Variants in BCAT1 observed in about 807,000 individuals in gnomAD.
BCAT1 encodes branched chain amino acid transaminase 1.
BCAT1 carries 48 observed loss-of-function variants against 52.4 expected under a neutral mutation model. The observed-to-expected ratio is 0.92, with a 90% CI of 0.73 to 1.16. The LOEUF (loss-of-function observed/expected upper bound fraction) is 1.16, where lower values mean the gene tolerates loss of function less well. Among genes scored for constraint, BCAT1 ranks in the 50% most tolerant of loss-of-function variants. The probability of loss-of-function intolerance (pLI) is 0.00; values close to 1 mark genes in which losing one functional copy is unlikely to be tolerated. For missense variants in BCAT1, 451 were observed against 457.1 expected, an observed-to-expected ratio of 0.99 and a Z score of 0.12; for synonymous variants, 167 against 161.3, an observed-to-expected ratio of 1.04 and a Z score of -0.27.
At chr12:24,818,562 C>T (rs964890959) in intron 10 of BCAT1, among the ~76,000 whole-genome samples, 1 of 152,172 alleles carries the variant, frequency 6.6e-6, no homozygotes, top group Non-Finnish European at 1.5e-5. Context: ...ACCTGTGATT[C>T]AGCAAGCATC....
intron 3 of BCAT1, among the ~76,000 whole-genome samples, chr12:24,887,083 ATAT>A (rs1565483158): frequency 1.9e-4 from 18 of 95,138 alleles, no homozygotes; most frequent in African/African-American, 2.7e-4. Context: ...AAAAAAAAAT[ATAT>A]ATATATATAT....
intron 4 of BCAT1, among the ~76,000 whole-genome samples, chr12:24,880,047 T>C (rs1274629029): frequency 1.3e-5 from 2 of 152,222 alleles, no homozygotes; most frequent in African/African-American, 2.4e-5. Flanking sequence ...TGCTACTATA[T>C]TATGGCCTCC....
In BCAT1 at chr12:24,842,244, C is replaced by T; in HGVS notation, c.675-20G>A. On this transcript the variant is annotated intron_variant, in intron 6 of 10. Coordinates refer to ENST00000261192, the MANE Select transcript of BCAT1 (RefSeq NM_005504.7). The stretch of plus-strand genomic sequence containing the variant: ...TAATTCCTTTAAGAAAGAGAAAATA[C>T]ACAGGTTACAAACATACTTCATCCC... 6.2e-7 allele frequency: 1 copy of T among 1,613,170 alleles called. No homozygotes were observed. The highest frequency in any genetic ancestry group is 8.5e-7 in the Non-Finnish European group (1 of 1,179,394).
chr12:24,845,445 A>C (rs891962480), intron 6 of BCAT1, among the ~76,000 whole-genome samples: 1 of 152,240 alleles, frequency 6.6e-6, no homozygotes, highest in African/African-American at 2.4e-5. Flanking sequence ...TTCATAACTG[A>C]TAGTAAATAG....
At chr12:24,873,580 A>G (rs1942244014) in intron 5 of BCAT1, among the ~76,000 whole-genome samples, 1 of 152,236 alleles carries the variant, frequency 6.6e-6, no homozygotes, top group Non-Finnish European at 1.5e-5. Context: ...AAAAAGCTTC[A>G]GTCCAAAAAG....
chr12:24,851,814 A>C (rs1486041421), intron 5 of BCAT1, among the ~76,000 whole-genome samples: 1 of 152,208 alleles, frequency 6.6e-6, no homozygotes, highest in African/African-American at 2.4e-5. Flanking sequence ...CTTCCCAGCT[A>C]CGATAAAACT....
chr12:24,845,522 TA>T (rs1935445186), intron 6 of BCAT1, among the ~76,000 whole-genome samples: 1 of 152,190 alleles, frequency 6.6e-6, no homozygotes, highest in Non-Finnish European at 1.5e-5. Flanking sequence ...GGACGTCTGG[TA>T]GAAAGACCAC....
intron 5 of BCAT1, among the ~76,000 whole-genome samples, chr12:24,861,842 A>G (rs1941856716): frequency 1.3e-5 from 2 of 152,340 alleles, no homozygotes; most frequent in South Asian, 4.1e-4. Context: ...CCACTGAAAA[A>G]ACAGGAAGCA....
chr12:24,830,150 T>G (rs1198636133), intron 9 of BCAT1: 1 of 338,728 alleles, frequency 3.0e-6, no homozygotes, highest in African/African-American at 2.1e-5. Context: ...CTGGTTTGTA[T>G]ACCAGCCTTC....
At chr12:24,856,681 A>G (rs1427081271) in intron 5 of BCAT1, among the ~76,000 whole-genome samples, 1 of 152,186 alleles carries the variant, frequency 6.6e-6, no homozygotes, top group Non-Finnish European at 1.5e-5. Flanking sequence ...TAGACTTTGG[A>G]GCAGTGAGAA....
chr12:24,863,657 C>G (rs760944563), intron 5 of BCAT1, among the ~76,000 whole-genome samples: 4 of 152,190 alleles, frequency 2.6e-5, no homozygotes, highest in Non-Finnish European at 4.4e-5. Flanking sequence ...TGGCTGGGCA[C>G]AGTGGCCCCC....
intron 3 of BCAT1, among the ~76,000 whole-genome samples, chr12:24,886,279 A>G (rs1942660670): frequency 6.6e-6 from 1 of 152,138 alleles, no homozygotes; most frequent in Non-Finnish European, 1.5e-5. Context: ...TTAGCTGAGC[A>G]TGGTGCTGCA....
chr12:24,902,232 T>G (rs1943126819), intron 1 of BCAT1: 3 of 1,378,828 alleles, frequency 2.2e-6, no homozygotes, highest in African/African-American at 2.9e-5. Context: ...TAGTCTAGAC[T>G]GGGGTGTTAA....
chr12:24,836,852 GA>G (rs1491448319), intron 7 of BCAT1, among the ~76,000 whole-genome samples: 1 of 127,806 alleles, frequency 7.8e-6, no homozygotes, highest in African/African-American at 2.9e-5. Context: ...GAGAGAGAAA[GA>G]AAGGAAGGAA....
intron 6 of BCAT1, among the ~76,000 whole-genome samples, chr12:24,842,585 A>G (rs1398028545): frequency 1.3e-5 from 2 of 152,206 alleles, no homozygotes; most frequent in Admixed American, 1.3e-4. Context: ...TCTCACACCA[A>G]TACTATGAGA....
At chr12:24,868,007 T>C (rs12316589) in intron 5 of BCAT1, among the ~76,000 whole-genome samples, 1,530 of 152,112 alleles carry the variant, frequency 0.01, 27 homozygotes, top group African/African-American at 0.034. Context: ...TCCGTCTCAA[T>C]AAACAAAAAC....
At chr12:24,937,554 A>G (rs1419276784) in intron 1 of BCAT1, among the ~76,000 whole-genome samples, 3 of 152,126 alleles carry the variant, frequency 2.0e-5, no homozygotes, top group Non-Finnish European at 4.4e-5. Context: ...GTCACTCTGT[A>G]GCCCAGGCTG....
intron 5 of BCAT1, among the ~76,000 whole-genome samples, chr12:24,863,761 T>C (rs552772865): frequency 6.6e-6 from 1 of 152,142 alleles, no homozygotes; most frequent in South Asian, 2.1e-4. Context: ...CAAGACCCCA[T>C]CAATACAAAA....
intron 5 of BCAT1, among the ~76,000 whole-genome samples, chr12:24,865,156 A>G (rs1941968997): frequency 6.6e-6 from 1 of 152,188 alleles, no homozygotes; most frequent in Non-Finnish European, 1.5e-5. Context: ...GCTTAAAGAC[A>G]AGAATCTATC....
Sources: allele counts gnomAD v4.1 joint callset (sites outside exome capture counted in the v4.1 genomes callset), GRCh38; gene constraint gnomAD v4.1.1; transcripts MANE v1.5; gene names NCBI Gene and HGNC (gene_info 2026-07-23, HGNC 2026-07-21).